Variants in CENPQ observed in about 807,000 individuals in gnomAD.
The protein encoded by CENPQ is centromere protein Q.
In CENPQ, 27 loss-of-function variants were observed where a neutral mutation model predicts 36.6. That is an observed-to-expected ratio of 0.74 (90% CI 0.54 to 1.02). The LOEUF (loss-of-function observed/expected upper bound fraction) is 1.02. CENPQ is among the 50% of genes least tolerant of loss of function. The pLI is 0.00. For synonymous variants in CENPQ, 101 were observed against 101.7 expected, an observed-to-expected ratio of 0.99 and a Z score of 0.04; for missense variants, 306 against 301.8, an observed-to-expected ratio of 1.01 and a Z score of -0.10.
At chr6:49,491,778 G>A (rs913267114) in intron 8 of CENPQ, among the ~76,000 whole-genome samples, 1 of 151,684 alleles carries the variant, frequency 6.6e-6, no homozygotes, top group Non-Finnish European at 1.5e-5. Context: ...AGCCAGGTGT[G>A]GTGGCACATG....
Position 49,473,242 on chromosome 6 carries a change from T to C in CENPQ, c.347+384T>C, listed in dbSNP as rs149761802. 9.7e-4 allele frequency among the ~76,000 whole-genome samples: 148 copies of C among 152,356 alleles called. No homozygotes were observed. The East Asian group carries it at 0.015, about 15-fold the overall frequency. On this transcript the variant is annotated intron_variant, in intron 5 of 8. Transcript: ENST00000335783. Reference sequence around the variant, plus strand: ...TGTGTTTTTCCACTTCATATTGTCTTAAATTATTTGCATGAGCAACAAGTA... The same window carrying C: ...TGTGTTTTTCCACTTCATATTGTCTCAAATTATTTGCATGAGCAACAAGTA...
intron 5 of CENPQ, among the ~76,000 whole-genome samples, chr6:49,475,950 C>T (rs1415158648): frequency 6.6e-6 from 1 of 152,144 alleles, no homozygotes; most frequent in African/African-American, 2.4e-5. Flanking sequence ...GAAGAACATT[C>T]CATGCTCATG....
Position 49,481,343 on chromosome 6 carries a change from C to A in CENPQ, c.477+263C>A, listed in dbSNP as rs143805586. 2.4e-4 allele frequency among the ~76,000 whole-genome samples: 36 copies of A among 152,118 alleles called. No individual in the cohort carries two copies. In the East Asian group the frequency reaches 6.8e-3, roughly 29 times the overall value. On this transcript the variant is annotated intron_variant, in intron 6 of 8. Coordinates refer to ENST00000335783, the MANE Select transcript of CENPQ (RefSeq NM_018132.4). The stretch of plus-strand genomic sequence containing the variant: ...GGTGGGTTCTTGGTCTCACTGACTT[C>A]AAGAATGAAGCTGCGGACCCTCGTG...
chr6:49,478,950 A>G (rs974865843), intron 5 of CENPQ, among the ~76,000 whole-genome samples: 1 of 152,178 alleles, frequency 6.6e-6, no homozygotes, highest in Non-Finnish European at 1.5e-5. Flanking sequence ...TCTAACTGCT[A>G]TTTAGAACAT....
At chr6:49,473,419 T>G (rs930415821) in intron 5 of CENPQ, among the ~76,000 whole-genome samples, 1 of 152,064 alleles carries the variant, frequency 6.6e-6, no homozygotes, top group Non-Finnish European at 1.5e-5. Context: ...TATAAGAAAC[T>G]AAGCTTCATA....
chr6:49,491,893 C>T (rs1356853003), intron 8 of CENPQ, among the ~76,000 whole-genome samples: 2 of 151,978 alleles, frequency 1.3e-5, no homozygotes, highest in African/African-American at 4.8e-5. Context: ...CCAGCCTGGG[C>T]AAGAAGAGCA....
intron 6 of CENPQ, among the ~76,000 whole-genome samples, chr6:49,482,033 G>A (rs1768444909): frequency 6.6e-6 from 1 of 152,094 alleles, no homozygotes; most frequent in Non-Finnish European, 1.5e-5. Flanking sequence ...ACTGCTGGGG[G>A]ACCCAGTACA....
intron 1 of CENPQ, among the ~76,000 whole-genome samples, chr6:49,464,268 T>A (rs972895836): frequency 6.6e-6 from 1 of 151,596 alleles, no homozygotes; most frequent in Non-Finnish European, 1.5e-5. Context: ...GCATTATGTG[T>A]AAAAAAAAAT....
rs1768754696 is a variant in CENPQ at position 49,492,714 on chromosome 6, C to T, written c.*439C>T. The T allele has an allele frequency of 6.6e-6, 1 of 152,338 alleles. No homozygotes were observed. The highest frequency in any genetic ancestry group is 6.5e-5 in the Admixed American group (1 of 15,276). The allele number at this position is 152,338 out of a possible 1,614,324, so 9.4% of individuals were successfully genotyped here. A position where few individuals can be genotyped will look rare whatever the true frequency, so the allele number is the denominator to read the frequency against. ...TGGCTTACAGTTTCTGTCTGGTCATCTGGAACTTGAAAAATCCTCAAATGC... is the reference window on the plus strand; with the variant it reads ...TGGCTTACAGTTTCTGTCTGGTCATTTGGAACTTGAAAAATCCTCAAATGC... On this transcript the variant is annotated 3_prime_UTR_variant, in exon 9 of 9. Coordinates refer to ENST00000335783, the MANE Select transcript of CENPQ (RefSeq NM_018132.4).
chr6:49,475,980 G>A (rs1295128030), intron 5 of CENPQ, among the ~76,000 whole-genome samples: 5 of 151,988 alleles, frequency 3.3e-5, no homozygotes, highest in Admixed American at 1.3e-4. Context: ...AATCAATATC[G>A]TGAAAATGGC....
intron 8 of CENPQ, 138 bp downstream of exon 8, chr6:49,488,822 TTA>T: frequency 1.4e-6 from 1 of 697,752 alleles, no homozygotes; most frequent in Non-Finnish European, 2.6e-6. Flanking sequence ...CATATGGAAG[TTA>T]TGTTTACGCT....
chr6:49,475,094 A>C (rs1298976633), intron 5 of CENPQ, among the ~76,000 whole-genome samples: 1 of 152,204 alleles, frequency 6.6e-6, no homozygotes, highest in African/African-American at 2.4e-5. Context: ...AGGAGCTGGA[A>C]CCATTCCTTC....
At chr6:49,471,699 T>G (rs781655657) in intron 3 of CENPQ, among the ~76,000 whole-genome samples, 6 of 152,196 alleles carry the variant, frequency 3.9e-5, no homozygotes, top group Non-Finnish European at 8.8e-5. Context: ...ATTAGTCTGT[T>G]TTGTTCCAGT....
intron 8 of CENPQ, 23 bp downstream of exon 8, chr6:49,488,707 G>A (rs1280230556): frequency 1.3e-6 from 2 of 1,576,082 alleles, no homozygotes; most frequent in African/African-American, 2.7e-5. Flanking sequence ...TTACCATATT[G>A]ATTACAGGCA....
chr6:49,466,863 G>A (rs1466625860), intron 1 of CENPQ, among the ~76,000 whole-genome samples: 1 of 152,172 alleles, frequency 6.6e-6, no homozygotes, highest in African/African-American at 2.4e-5. Flanking sequence ...AGTTAATTAA[G>A]TGGCAGGGCT....
At position 49,464,096 on chromosome 6, in the gene CENPQ, T is replaced by A. The variant is rs185548886; in HGVS notation, c.-19+643T>A. ...CTTTTTGGCTAAATATTTCAAAATG[T>A]TATTAGAATAATACTTTTTCTATGA... is the stretch of plus-strand genomic sequence containing the variant. On this transcript the variant is annotated intron_variant, in intron 1 of 8. Transcript: ENST00000335783. Among the ~76,000 whole-genome samples, 1,482 of 152,314 alleles carry A rather than the reference T, an allele frequency of 9.7e-3. 13 individuals are homozygous for A. The highest frequency in any genetic ancestry group is 0.031 in the South Asian group (148 of 4,824).
At chr6:49,480,618 A>G (rs1009271463) in intron 5 of CENPQ, among the ~76,000 whole-genome samples, 1 of 152,204 alleles carries the variant, frequency 6.6e-6, no homozygotes, top group Non-Finnish European at 1.5e-5. Flanking sequence ...TAATAGACTC[A>G]TGTAGTGTAA....
At chr6:49,467,678 C>A (rs968881932) in intron 1 of CENPQ, among the ~76,000 whole-genome samples, 1 of 151,940 alleles carries the variant, frequency 6.6e-6, no homozygotes, top group East Asian at 1.9e-4. Context: ...TTTGGAGTAG[C>A]GCTAAATTAC....
intron 6 of CENPQ, among the ~76,000 whole-genome samples, chr6:49,485,203 C>G (rs1252906069): frequency 1.3e-5 from 2 of 152,190 alleles, no homozygotes; most frequent in Non-Finnish European, 2.9e-5. Flanking sequence ...ATTGCTTTTT[C>G]TCACTGCAGC....
Sources: gnomAD v4.1 joint callset for allele counts (sites outside exome capture counted in the v4.1 genomes callset) on GRCh38, gnomAD v4.1.1 for gene constraint, MANE v1.5 for transcripts, NCBI Gene and HGNC (gene_info 2026-07-23, HGNC 2026-07-21) for gene names.